OCA2: variants seen among roughly 807,000 people sequenced by gnomAD.
OCA2 encodes OCA2 melanosomal transmembrane protein, also known as P protein.
In OCA2, 77 loss-of-function variants were observed where a neutral mutation model predicts 100.2. The ratio of observed to expected loss-of-function variants is 0.77; its 90% CI spans 0.64 to 0.93. OCA2 has a LOEUF of 0.93. Ranked by LOEUF, OCA2 falls within the 40% of genes least tolerant of loss-of-function variation. The pLI, the probability that OCA2 is intolerant of heterozygous loss-of-function variation, is 0.00. For synonymous variants in OCA2, 432 were observed against 439.2 expected (o/e 0.98, Z 0.21); for missense variants, 1,062 against 1,089.1 (o/e 0.98, Z 0.35).
intron 19 of OCA2, among the ~76,000 whole-genome samples, chr15:27,904,819 G>A (rs189727496): frequency 2.6e-5 from 4 of 152,244 alleles, no homozygotes; most frequent in Non-Finnish European, 5.9e-5. Context: ...CTGGCCTGTG[G>A]CCACCACAGC....
intron 9 of OCA2, among the ~76,000 whole-genome samples, chr15:27,993,516 A>G (rs1478450274): frequency 6.6e-6 from 1 of 152,188 alleles, no homozygotes; most frequent in African/African-American, 2.4e-5. Context: ...CGTGGACATC[A>G]TGAAATCATG....
intron 19 of OCA2, among the ~76,000 whole-genome samples, chr15:27,902,937 C>T (rs2038014110): frequency 6.6e-6 from 1 of 152,220 alleles, no homozygotes; most frequent in Non-Finnish European, 1.5e-5. Flanking sequence ...GCTGGCTGGG[C>T]GGCCTGCAGA....
intron 6 of OCA2, among the ~76,000 whole-genome samples, chr15:28,019,609 C>T (rs2042525737): frequency 6.6e-6 from 1 of 152,196 alleles, no homozygotes; most frequent in South Asian, 2.1e-4. Flanking sequence ...TCTCCAGAAG[C>T]TCCTCCCCTC....
At chr15:27,848,148 A>G (rs1452356035) in intron 22 of OCA2, among the ~76,000 whole-genome samples, 2 of 152,180 alleles carry the variant, frequency 1.3e-5, no homozygotes, top group Non-Finnish European at 2.9e-5. Context: ...CCCTCATGTC[A>G]CCTGGATTCC....
At chr15:27,885,280 C>T (rs2037179440) in intron 19 of OCA2, among the ~76,000 whole-genome samples, 1 of 152,124 alleles carries the variant, frequency 6.6e-6, no homozygotes, top group Non-Finnish European at 1.5e-5. Flanking sequence ...AGCCTTTATC[C>T]TGCCTATTAT....
At chr15:28,084,851 G>A (rs1366433263) in intron 1 of OCA2, among the ~76,000 whole-genome samples, 1 of 152,228 alleles carries the variant, frequency 6.6e-6, no homozygotes, top group East Asian at 1.9e-4. Context: ...CCAGTATGTT[G>A]GCTTGCCTTT....
intron 23 of OCA2, among the ~76,000 whole-genome samples, chr15:27,806,152 C>T (rs2033836896): frequency 6.6e-6 from 1 of 152,144 alleles, no homozygotes; most frequent in South Asian, 2.1e-4. Context: ...GGCTCTGATG[C>T]TCCGCCCTCC....
At chr15:27,737,679 G>A in the OCA2 span, among the ~76,000 whole-genome samples, 1 of 152,192 alleles carries the variant, frequency 6.6e-6, no homozygotes, top group Non-Finnish European at 1.5e-5. Flanking sequence ...GTTTTGGGAG[G>A]TGAGCAAATA....
intron 23 of OCA2, among the ~76,000 whole-genome samples, chr15:27,806,245 A>G (rs1322305605): frequency 1.3e-5 from 2 of 152,330 alleles, no homozygotes; most frequent in East Asian, 1.9e-4. Flanking sequence ...CTAGGCTTAC[A>G]CTAAAAAGAA....
At chr15:27,913,865 A>AAGAAAGAAAG (rs1567097878) in intron 19 of OCA2, among the ~76,000 whole-genome samples, 9 of 51,218 alleles carry the variant, frequency 1.8e-4, no homozygotes, top group African/African-American at 6.7e-4. Context: ...GAAAGAAAGA[A>AAGAAAGAAAG]AGAAAGAAAG....
chr15:27,880,212 T>G (rs1017616267), intron 19 of OCA2, among the ~76,000 whole-genome samples: 10 of 152,196 alleles, frequency 6.6e-5, no homozygotes, highest in African/African-American at 2.2e-4. Flanking sequence ...TTGGTCTATG[T>G]GTCTGTTTTT....
At chr15:28,007,713 C>A (rs1007027976) in intron 9 of OCA2, among the ~76,000 whole-genome samples, 41 of 151,182 alleles carry the variant, frequency 2.7e-4, no homozygotes, top group Non-Finnish European at 4.9e-4. Flanking sequence ...CTGGGCAAGA[C>A]TCCATCTCAA....
At chr15:27,961,023 G>A (rs191813839) in intron 15 of OCA2, among the ~76,000 whole-genome samples, 123 of 151,852 alleles carry the variant, frequency 8.1e-4, no homozygotes, top group African/African-American at 2.8e-3. Context: ...GCAACCTATA[G>A]AATGGCAGAA....
At chr15:28,089,311 G>A (rs1241306695) in intron 1 of OCA2, among the ~76,000 whole-genome samples, 1 of 152,168 alleles carries the variant, frequency 6.6e-6, no homozygotes. Flanking sequence ...AGCTTACAAA[G>A]ATGATGAGAT....
intron 2 of OCA2, among the ~76,000 whole-genome samples, chr15:28,049,815 G>T (rs947157389): frequency 3.3e-5 from 5 of 152,192 alleles, no homozygotes; most frequent in Non-Finnish European, 7.3e-5. Flanking sequence ...GGAAGGCACG[G>T]AGAGTTATTG....
chr15:27,896,169 T>G (rs1455192534), intron 19 of OCA2: 1 of 932,538 alleles, frequency 1.1e-6, no homozygotes, highest in Non-Finnish European at 1.7e-6. Flanking sequence ...CAATGAAGTT[T>G]TTGGTGCCCT....
intron 12 of OCA2, among the ~76,000 whole-genome samples, chr15:27,985,576 T>C (rs2041326260): frequency 6.6e-6 from 1 of 152,210 alleles, no homozygotes; most frequent in Non-Finnish European, 1.5e-5. Flanking sequence ...AGGGATACTT[T>C]TAATAGTAAG....
At chr15:27,777,069 G>A (rs555344374) in intron 23 of OCA2, among the ~76,000 whole-genome samples, 12 of 152,024 alleles carry the variant, frequency 7.9e-5, no homozygotes, top group East Asian at 7.8e-4. Flanking sequence ...CCCCATCGGC[G>A]CCCAGCCTTT....
chr15:27,835,677 G>A (rs1045762489), intron 23 of OCA2, among the ~76,000 whole-genome samples: 3 of 152,236 alleles, frequency 2.0e-5, no homozygotes, highest in Non-Finnish European at 2.9e-5. Flanking sequence ...TGCCTCAGGC[G>A]CAGGCCCTGT....
Sources: gnomAD v4.1 joint callset for allele counts (sites outside exome capture counted in the v4.1 genomes callset) on GRCh38, gnomAD v4.1.1 for gene constraint, MANE v1.5 for transcripts, NCBI Gene and HGNC (gene_info 2026-07-23, HGNC 2026-07-21) for gene names.